Variants in SYNE2 observed in about 807,000 individuals in gnomAD.
SYNE2 encodes nesprin-2.
In SYNE2, 431 loss-of-function variants were observed where a neutral mutation model predicts 856.3. The ratio of observed to expected loss-of-function variants is 0.50; its 90% CI spans 0.47 to 0.55. The LOEUF (loss-of-function observed/expected upper bound fraction) is 0.55, where lower values mean the gene tolerates loss of function less well. SYNE2 is among the 20% of genes least tolerant of loss of function. The probability of loss-of-function intolerance (pLI) is 0.00; values close to 1 mark genes in which losing one functional copy is unlikely to be tolerated. For synonymous variants in SYNE2, 2,923 were observed against 2,872.3 expected (o/e 1.02, Z -0.56); for missense variants, 8,129 against 8,023.2 (o/e 1.01, Z -0.50).
In SYNE2 at chr14:63,831,706, C is replaced by T. The variant is rs947350492; in HGVS notation, c.-304-20795C>T. On this transcript the variant is annotated intron_variant, in intron 1 of 23. Transcript: ENST00000674003. Reference sequence around the variant, plus strand: ...GAGTAGCTGATACTACAGGCATGCACCACCACACCTGGCTAATTTTTGTAT... The same window carrying T: ...GAGTAGCTGATACTACAGGCATGCATCACCACACCTGGCTAATTTTTGTAT... Among the ~76,000 whole-genome samples the T allele has an allele frequency of 2.0e-5, 3 of 151,840 alleles. No individual in the cohort carries two copies. The South Asian group carries it at 6.3e-4, about 32-fold the overall frequency.
chr14:64,024,330 A>G lies in SYNE2; in HGVS notation c.5711A>G (p.His1904Arg). 1 of 1,614,200 alleles carries G rather than the reference A, an allele frequency of 6.2e-7. No individual in the cohort carries two copies. The highest frequency in any genetic ancestry group is 1.1e-5 in the South Asian group (1 of 91,084). ...VDSVLKHVKK[H>R]LPKAHVKELI... is the part of the protein sequence containing the mutation. ...AGCGTACTGAAGCATGTGAAGAAGC[A>G]TCTGCCCAAAGCACATGTGAAGGAG... Residue 1904 changes from histidine to arginine, a missense_variant, in exon 39 of 116, where the codon CAT (histidine) becomes CGT (arginine). By Grantham distance (29) the His-to-Arg change is conservative. Coordinates refer to ENST00000555002, the MANE Select transcript of SYNE2 (RefSeq NM_182914.3).
chr14:64,126,235 A>T, intron 71 of SYNE2, 92 bp from the exon 72 acceptor site: 1 of 1,140,436 alleles, frequency 8.8e-7, no homozygotes, highest in Non-Finnish European at 1.3e-6. Flanking sequence ...AGCATAACAT[A>T]AATCATAAAC....
chr14:63,789,877 GGAGTTT>G (rs553228733), intron 1 of SYNE2, among the ~76,000 whole-genome samples: 10 of 152,012 alleles, frequency 6.6e-5, no homozygotes, highest in Non-Finnish European at 1.2e-4. Context: ...AAATTGTAGG[GGAGTTT>G]GAAAATTCAG....
intron 66 of SYNE2, among the ~76,000 whole-genome samples, chr14:64,114,520 T>C (rs2097839996): frequency 6.6e-6 from 1 of 152,080 alleles, no homozygotes; most frequent in Non-Finnish European, 1.5e-5. Flanking sequence ...TTGTGCATTC[T>C]CCCCTTCTAT....
chr14:63,874,657 G>T (rs2094673848), intron 1 of SYNE2, among the ~76,000 whole-genome samples: 1 of 152,054 alleles, frequency 6.6e-6, no homozygotes, highest in South Asian at 2.1e-4. Context: ...TGCCATAACT[G>T]CTTTTTTTTA....
At chr14:64,073,851 A>G in intron 52 of SYNE2, 117 bp from the exon 53 acceptor site, 1 of 1,148,382 alleles carries the variant, frequency 8.7e-7, no homozygotes, top group South Asian at 1.3e-5. Flanking sequence ...CTTAGAGGAA[A>G]TAACCATCCT....
chr14:63,951,565 A>C (rs892443927), intron 7 of SYNE2, among the ~76,000 whole-genome samples: 1 of 152,148 alleles, frequency 6.6e-6, no homozygotes, highest in African/African-American at 2.4e-5. Context: ...GGCCTCCCAA[A>C]GTGCTGTGAT....
chr14:63,948,744 G>GTATATA (rs2096082627), intron 6 of SYNE2, among the ~76,000 whole-genome samples: 2 of 86,216 alleles, frequency 2.3e-5, no homozygotes, highest in Admixed American at 1.3e-4. Flanking sequence ...GTATAGATAT[G>GTATATA]TGTGTGTATA....
chr14:64,026,704 A>T lies in SYNE2; in HGVS notation c.6378A>T (p.Thr2126=), dbSNP rs760024164. The T allele has an allele frequency of 1.2e-6, 2 of 1,610,964 alleles. No homozygotes were observed. The highest frequency in any genetic ancestry group is 2.2e-5 in the South Asian group (2 of 90,366). The part of the protein sequence containing the change: ...LTDISNQWDN[T]LHLASTYLSH... ...ACATCAGCAACCAGTGGGACAACAC[A>T]CTCCATTTAGCTAGCACCTACCTAA... Residue 2126 remains threonine (T), a synonymous_variant, in exon 42 of 116, where the codon ACA becomes ACT. Coordinates refer to ENST00000555002, the MANE Select transcript of SYNE2 (RefSeq NM_182914.3).
chr14:63,948,771 T>TAA, intron 6 of SYNE2, among the ~76,000 whole-genome samples: 1 of 10,540 alleles, frequency 9.5e-5, no homozygotes, highest in African/African-American at 1.8e-4. Context: ...TATATATATG[T>TAA]ATGTGTGTGT....
intron 1 of SYNE2, among the ~76,000 whole-genome samples, chr14:63,783,378 T>C (rs1887392499): frequency 6.6e-6 from 1 of 152,030 alleles, no homozygotes; most frequent in African/African-American, 2.4e-5. Context: ...GGGCACTTCT[T>C]CTTCTTCTTT....
At chr14:64,181,662 C>A (rs538325896) in intron 96 of SYNE2, among the ~76,000 whole-genome samples, 3 of 152,268 alleles carry the variant, frequency 2.0e-5, no homozygotes, top group Admixed American at 6.5e-5. Flanking sequence ...GGGGGAAATA[C>A]GCTAGCCACT....
Position 64,170,571 on chromosome 14 carries a change from T to C in SYNE2, c.17235+109T>C, listed in dbSNP as rs1456417181. On this transcript the variant is annotated intron_variant, in intron 94 of 115. Coordinates refer to ENST00000555002, the MANE Select transcript of SYNE2 (RefSeq NM_182914.3). ...TGATGATGATGTGATCCAAGTGGGC[T>C]CTCTGCAGTGTGAGGCCAGCAAGGT... 4 of 1,162,842 alleles carry C rather than the reference T, an allele frequency of 3.4e-6. No homozygotes were observed. The African/African-American group carries it at 6.1e-5, about 18-fold the overall frequency. The allele number at this position is 1,162,842 out of a possible 1,614,324, so 72.0% of individuals were successfully genotyped here.
rs752635400 is a variant in SYNE2, at chr14:64,002,061, C to T, written c.3766C>T (p.Arg1256Cys). 3.6e-5 allele frequency: 58 copies of T among 1,612,372 alleles called. No homozygotes were observed. Among genetic ancestry groups the T allele is most frequent in the African/African-American group, 4.0e-5 (3 of 74,882 alleles). ...GGGATTTCATCTCATTGATGCTGAT[C>T]GCATCTATCAACACCTAAGGGTAAG... is the stretch of plus-strand genomic sequence containing the variant. ...IQGFHLIDAD[R>C]IYQHLRNIQD... is the part of the protein sequence containing the mutation. Residue 1256 changes from arginine to cysteine, a missense_variant, in exon 29 of 116, where the codon CGC (arginine) becomes TGC (cysteine). By Grantham distance (180) the Arg-to-Cys change is radical (BLOSUM62 -3). Around this residue, in one of 3 missense-constraint regions of SYNE2, gnomAD observed 2,422 missense variants for 2,357.4 expected, o/e 1.03. Transcript: ENST00000555002.
chr14:64,163,367 G>A (rs759109572), intron 88 of SYNE2, 35 bp from the exon 89 acceptor site: 6 of 1,612,338 alleles, frequency 3.7e-6, no homozygotes, highest in Admixed American at 1.7e-5. Context: ...TTTGAAAGGA[G>A]GAAGAGGTGT....
chr14:64,054,893 G>A (rs932154699), intron 48 of SYNE2, among the ~76,000 whole-genome samples: 1 of 152,186 alleles, frequency 6.6e-6, no homozygotes, highest in Admixed American at 6.5e-5. Context: ...TTTGATAGGT[G>A]TAAATGCTAT....
At chr14:63,935,268 A>G (rs779492067) in intron 2 of SYNE2, among the ~76,000 whole-genome samples, 59 of 152,330 alleles carry the variant, frequency 3.9e-4, no homozygotes, top group Middle Eastern at 3.4e-3. Flanking sequence ...GCAATTATTG[A>G]GCACCCTATA....
rs1304992575 is a variant in SYNE2, at chr14:64,000,837, CA to C, written c.3638+119del. On this transcript the variant is annotated intron_variant, in intron 28 of 115. Transcript: ENST00000555002. ...TTATTTTATTTGGATGTCACAACAACAGTAAGAGAGGCTACCATTATGATTG... is the reference window on the plus strand; with the variant it reads ...TTATTTTATTTGGATGTCACAACAACGTAAGAGAGGCTACCATTATGATTG... 8.8e-6 allele frequency: 8 copies of C among 907,992 alleles called. No individual in the cohort carries two copies. The East Asian group carries it at 2.1e-4, about 23-fold the overall frequency. The allele number at this position is 907,992 out of a possible 1,614,324, so 56.2% of individuals were successfully genotyped here.
chr14:64,202,334 T>TA, intron 99 of SYNE2: 1 of 701,808 alleles, frequency 1.4e-6, no homozygotes, highest in Non-Finnish European at 2.6e-6. Context: ...GTGGACCAAA[T>TA]ACCACCAAGT....
Sources: allele counts gnomAD v4.1 joint callset (sites outside exome capture counted in the v4.1 genomes callset), GRCh38; gene constraint gnomAD v4.1.1; regional missense constraint gnomAD v4.1.1; transcripts MANE v1.5; gene names NCBI Gene and HGNC (gene_info 2026-07-23, HGNC 2026-07-21).